CSMD1: variants seen among roughly 807,000 people sequenced by gnomAD.
The protein encoded by CSMD1 is CUB and Sushi multiple domains 1.
In CSMD1, 213 loss-of-function variants were observed where a neutral mutation model predicts 417.5. That is an observed-to-expected ratio of 0.51 (90% confidence interval 0.46 to 0.57). CSMD1 has a LOEUF of 0.57. Ranked by LOEUF, CSMD1 falls within the 20% of genes least tolerant of loss-of-function variation. The pLI is 0.00. For synonymous variants in CSMD1, 2,862 were observed against 1,736.8 expected (o/e 1.65, Z -16.11); for missense variants, 6,923 against 4,529.7 (o/e 1.53, Z -15.17).
At chr8:4,955,393 G>A (rs1225850578) in intron 1 of CSMD1, among the ~76,000 whole-genome samples, 2 of 151,558 alleles carry the variant, frequency 1.3e-5, no homozygotes, top group African/African-American at 2.4e-5. Context: ...CATGTGTTGA[G>A]ATTATTGATG....
At chr8:4,232,157 A>G (rs1039676674) in intron 3 of CSMD1, among the ~76,000 whole-genome samples, 5 of 152,140 alleles carry the variant, frequency 3.3e-5, no homozygotes, top group African/African-American at 1.2e-4. Flanking sequence ...CTAAACTTCA[A>G]AATCCAAGTG....
At chr8:3,988,434 G>T (rs746234673) in intron 5 of CSMD1, among the ~76,000 whole-genome samples, 63 of 152,182 alleles carry the variant, frequency 4.1e-4, no homozygotes, top group Admixed American at 3.3e-4. Flanking sequence ...TGTCAAATAT[G>T]TACGCCACTC....
intron 3 of CSMD1, among the ~76,000 whole-genome samples, chr8:4,323,609 G>C (rs1197598973): frequency 2.6e-5 from 4 of 152,258 alleles, no homozygotes; most frequent in African/African-American, 9.6e-5. Flanking sequence ...AAAGTCAACA[G>C]TGCGACAGAA....
intron 5 of CSMD1, among the ~76,000 whole-genome samples, chr8:3,835,256 G>T (rs1412025741): frequency 6.6e-6 from 1 of 151,750 alleles, no homozygotes; most frequent in African/African-American, 2.4e-5. Flanking sequence ...CTGCTATAAA[G>T]ACACATGCAC....
At chr8:2,956,516 C>G (rs533870137) in intron 63 of CSMD1, among the ~76,000 whole-genome samples, 2 of 151,952 alleles carry the variant, frequency 1.3e-5, no homozygotes, top group East Asian at 3.9e-4. Context: ...TGCAGTGGCA[C>G]GATCTCCGCT....
intron 2 of CSMD1, among the ~76,000 whole-genome samples, chr8:4,570,182 A>G (rs1343889355): frequency 2.0e-5 from 3 of 152,178 alleles, no homozygotes; most frequent in Non-Finnish European, 4.4e-5. Flanking sequence ...TACGTTGAAT[A>G]GCAGTGGTGA....
At chr8:3,901,799 C>G (rs537484882) in intron 5 of CSMD1, among the ~76,000 whole-genome samples, 39 of 152,182 alleles carry the variant, frequency 2.6e-4, no homozygotes, top group Non-Finnish European at 4.3e-4. Flanking sequence ...GTTTATTAAG[C>G]TCTTGGGGTG....
At chr8:4,766,882 A>C (rs950503859) in intron 1 of CSMD1, among the ~76,000 whole-genome samples, 16 of 152,212 alleles carry the variant, frequency 1.1e-4, no homozygotes, top group African/African-American at 3.4e-4. Flanking sequence ...ATTAAATCTT[A>C]TGTTGATATT....
At chr8:3,892,021 C>G (rs1420061101) in intron 5 of CSMD1, among the ~76,000 whole-genome samples, 1 of 25,608 alleles carries the variant, frequency 3.9e-5, no homozygotes, top group Non-Finnish European at 8.8e-5. Context: ...ATGATAGTCG[C>G]AAACAAAAAA....
chr8:3,650,096 T>C (rs999494343), intron 7 of CSMD1, among the ~76,000 whole-genome samples: 2 of 152,162 alleles, frequency 1.3e-5, no homozygotes, highest in South Asian at 2.1e-4. Context: ...CTGGACAACA[T>C]GGTGAAACCT....
At chr8:3,062,374 T>C (rs1013962507) in intron 49 of CSMD1, among the ~76,000 whole-genome samples, 4 of 152,132 alleles carry the variant, frequency 2.6e-5, no homozygotes, top group Admixed American at 6.5e-5. Context: ...TTCTTTACTA[T>C]GTGTAGGTGG....
At chr8:4,092,328 C>G (rs1396831695) in intron 3 of CSMD1, among the ~76,000 whole-genome samples, 1 of 152,166 alleles carries the variant, frequency 6.6e-6, no homozygotes, top group East Asian at 1.9e-4. Flanking sequence ...TTTCCTGTGT[C>G]TGATGCTCCA....
chr8:4,134,010 C>T (rs943451656), intron 3 of CSMD1, among the ~76,000 whole-genome samples: 1 of 152,218 alleles, frequency 6.6e-6, no homozygotes, highest in East Asian at 1.9e-4. Context: ...AGAAATAATA[C>T]TTCAGTATAC....
At chr8:3,488,660 C>A (rs1021562886) in intron 11 of CSMD1, among the ~76,000 whole-genome samples, 1 of 152,112 alleles carries the variant, frequency 6.6e-6, no homozygotes, top group Non-Finnish European at 1.5e-5. Flanking sequence ...TAATATTTGG[C>A]ATTCAATAAA....
At chr8:4,546,850 T>A (rs1011089322) in intron 2 of CSMD1, among the ~76,000 whole-genome samples, 4 of 152,044 alleles carry the variant, frequency 2.6e-5, no homozygotes, top group Non-Finnish European at 4.4e-5. Context: ...AACATATGCA[T>A]ATATATGTAT....
chr8:4,862,810 G>C (rs1802212635), intron 1 of CSMD1, among the ~76,000 whole-genome samples: 1 of 152,028 alleles, frequency 6.6e-6, no homozygotes, highest in South Asian at 2.1e-4. Context: ...AAGGGATTTG[G>C]GGTAGCTAGA....
At chr8:3,918,928 G>T (rs765356744) in intron 5 of CSMD1, among the ~76,000 whole-genome samples, 2 of 131,418 alleles carry the variant, frequency 1.5e-5, no homozygotes, top group Non-Finnish European at 3.5e-5. Flanking sequence ...TGGGTTCAGT[G>T]TGGGCTGCTC....
intron 2 of CSMD1, among the ~76,000 whole-genome samples, chr8:4,562,267 C>T (rs1173097400): frequency 6.6e-6 from 1 of 152,152 alleles, no homozygotes; most frequent in Non-Finnish European, 1.5e-5. Context: ...GGCATCATTA[C>T]GCGAGCAGAG....
intron 5 of CSMD1, among the ~76,000 whole-genome samples, chr8:3,771,027 T>C (rs1347762568): frequency 6.6e-6 from 1 of 151,728 alleles, no homozygotes; most frequent in East Asian, 1.9e-4. Context: ...TCTGTGTGTG[T>C]GTCTGCGTGC....
Sources: gnomAD v4.1 joint callset for allele counts (sites outside exome capture counted in the v4.1 genomes callset) on GRCh38, gnomAD v4.1.1 for gene constraint, MANE v1.5 for transcripts, NCBI Gene and HGNC (gene_info 2026-07-23, HGNC 2026-07-21) for gene names.